GPC5: variants seen among roughly 807,000 people sequenced by gnomAD.
GPC5 encodes glypican 5, also known as glypican-5.
In GPC5, 47 loss-of-function variants were observed where a neutral mutation model predicts 53.9. The observed-to-expected ratio is 0.87, with a 90% CI of 0.69 to 1.11. GPC5 has a LOEUF of 1.11. Ranked by LOEUF, GPC5 falls within the 50% of genes most tolerant of loss-of-function variation. The probability of loss-of-function intolerance (pLI) is 0.00; values close to 1 mark genes in which losing one functional copy is unlikely to be tolerated. For synonymous variants in GPC5, 286 were observed against 263.3 expected (o/e 1.09, Z -0.84); for missense variants, 748 against 713.1 (o/e 1.05, Z -0.56).
At chr13:91,936,619 C>T (rs1388090423) in intron 6 of GPC5, among the ~76,000 whole-genome samples, 1 of 151,918 alleles carries the variant, frequency 6.6e-6, no homozygotes, top group Non-Finnish European at 1.5e-5. Context: ...GGGATGTATC[C>T]AACATGTTCC....
chr13:91,978,632 A>G (rs1016769517), intron 6 of GPC5, among the ~76,000 whole-genome samples: 4 of 152,230 alleles, frequency 2.6e-5, no homozygotes, highest in African/African-American at 9.6e-5. Flanking sequence ...CTAAGTAGAG[A>G]CAGAGCCTTG....
intron 6 of GPC5, among the ~76,000 whole-genome samples, chr13:92,105,428 G>T (rs1204968687): frequency 6.6e-6 from 1 of 152,036 alleles, no homozygotes; most frequent in Non-Finnish European, 1.5e-5. Flanking sequence ...ACTTTCATTT[G>T]ATATTTACCG....
intron 5 of GPC5, among the ~76,000 whole-genome samples, chr13:91,853,766 A>G (rs76063208): frequency 1.3e-5 from 2 of 152,030 alleles, no homozygotes; most frequent in South Asian, 2.1e-4. Flanking sequence ...ACAATAAAAA[A>G]TAAAGTCATT....
At chr13:92,084,890 T>C (rs1337436992) in intron 6 of GPC5, among the ~76,000 whole-genome samples, 2 of 152,192 alleles carry the variant, frequency 1.3e-5, no homozygotes, top group Non-Finnish European at 2.9e-5. Context: ...ATTTAGACAA[T>C]TATAAAACAG....
At chr13:92,593,545 C>T (rs9523722) in intron 7 of GPC5, among the ~76,000 whole-genome samples, 147,329 of 151,010 alleles carry the variant, frequency 0.98, 72,051 homozygotes, top group East Asian at 1. Context: ...AGGATAAATA[C>T]GGGAATCATC....
At chr13:91,975,433 A>G (rs1303938697) in intron 6 of GPC5, among the ~76,000 whole-genome samples, 4 of 152,162 alleles carry the variant, frequency 2.6e-5, no homozygotes, top group Non-Finnish European at 4.4e-5. Context: ...AGAAAAAAAC[A>G]AACAACCCCA....
chr13:92,338,132 TG>T (rs1468414136), intron 7 of GPC5, among the ~76,000 whole-genome samples: 1 of 151,946 alleles, frequency 6.6e-6, no homozygotes, highest in Non-Finnish European at 1.5e-5. Context: ...TACAACCTGA[TG>T]AAAAAAATTG....
chr13:92,232,598 G>A (rs1380389502), intron 7 of GPC5, among the ~76,000 whole-genome samples: 1 of 152,224 alleles, frequency 6.6e-6, no homozygotes, highest in Non-Finnish European at 1.5e-5. Flanking sequence ...TAAATTCTAT[G>A]ATATTCCTCT....
chr13:92,642,109 TA>T (rs1221254061), intron 7 of GPC5, among the ~76,000 whole-genome samples: 7 of 152,162 alleles, frequency 4.6e-5, no homozygotes, highest in Non-Finnish European at 1.0e-4. Context: ...AATGTAGGTA[TA>T]TAACGGCAAT....
rs912970161 is a variant in GPC5 at position 92,104,842 on chromosome 13, A to G, written c.1402-39988A>G. Among the ~76,000 whole-genome samples the G allele has an allele frequency of 7.2e-5, 11 of 152,254 alleles. No individual in the cohort carries two copies. In the South Asian group the frequency reaches 1.7e-3, roughly 23 times the overall value. On this transcript the variant is annotated intron_variant, in intron 6 of 7. Coordinates refer to ENST00000377067, the MANE Select transcript of GPC5 (RefSeq NM_004466.6). ...GTTTGGTAAATTTGGGGTGACAGGT[A>G]TAACATGGCTTAGGCTTAAAGTGTT...
At chr13:92,404,065 G>T (rs191497962) in intron 7 of GPC5, among the ~76,000 whole-genome samples, 13 of 152,164 alleles carry the variant, frequency 8.5e-5, no homozygotes, top group African/African-American at 3.1e-4. Flanking sequence ...TTATGAACTT[G>T]TCCAATATTC....
intron 7 of GPC5, among the ~76,000 whole-genome samples, chr13:92,174,769 G>T (rs954227505): frequency 2.6e-5 from 4 of 152,146 alleles, no homozygotes; most frequent in Non-Finnish European, 5.9e-5. Flanking sequence ...AACAAATAGC[G>T]ATGTCATAGA....
chr13:91,657,121 G>T (rs536639087), intron 2 of GPC5, among the ~76,000 whole-genome samples: 2 of 152,142 alleles, frequency 1.3e-5, no homozygotes, highest in African/African-American at 4.8e-5. Context: ...AACTAGATTT[G>T]CATTTGTGAA....
chr13:91,753,219 A>G (rs2037217425), intron 4 of GPC5, among the ~76,000 whole-genome samples: 1 of 152,198 alleles, frequency 6.6e-6, no homozygotes, highest in Non-Finnish European at 1.5e-5. Context: ...TATATTACAT[A>G]AGTGGCTAGA....
chr13:92,685,543 CATTTTTTTTTTTTTTA>C (rs1284844873), intron 7 of GPC5, among the ~76,000 whole-genome samples: 34 of 65,014 alleles, frequency 5.2e-4, no homozygotes, highest in Non-Finnish European at 5.9e-4. Flanking sequence ...AAATTATGCT[CATTTTTTTTTTTTTTA>C]ATTTTTTTTT....
At chr13:91,996,033 T>G (rs1461309630) in intron 6 of GPC5, 2 of 152,258 alleles carry the variant, frequency 1.3e-5, no homozygotes, top group African/African-American at 4.8e-5. Flanking sequence ...ACTTGAAGCC[T>G]TTTTAATCCC....
At chr13:92,022,455 G>T (rs2040767112) in intron 6 of GPC5, among the ~76,000 whole-genome samples, 1 of 152,108 alleles carries the variant, frequency 6.6e-6, no homozygotes, top group Non-Finnish European at 1.5e-5. Context: ...TCCTTTGCTT[G>T]TAAGTACCTC....
chr13:92,757,177 G>A (rs139876243), intron 7 of GPC5, among the ~76,000 whole-genome samples: 8,593 of 152,046 alleles, frequency 0.057, 407 homozygotes, highest in African/African-American at 0.13. Flanking sequence ...AAATAACGCC[G>A]CATATCTACA....
chr13:91,482,013 A>G (rs1039825370), intron 2 of GPC5, among the ~76,000 whole-genome samples: 3 of 152,204 alleles, frequency 2.0e-5, no homozygotes, highest in Non-Finnish European at 4.4e-5. Context: ...ATACTAATAG[A>G]ATATCCCATA....
Sources: allele counts gnomAD v4.1 joint callset (sites outside exome capture counted in the v4.1 genomes callset), GRCh38; gene constraint gnomAD v4.1.1; transcripts MANE v1.5; gene names NCBI Gene and HGNC (gene_info 2026-07-23, HGNC 2026-07-21).